Variants in FBXL16 observed in about 807,000 individuals in gnomAD.
FBXL16 encodes F-box and leucine rich repeat protein 16, also known as F-box/LRR-repeat protein 16.
FBXL16 carries 7 observed loss-of-function variants against 36.7 expected under a neutral mutation model. That is an observed-to-expected ratio of 0.19 (90% CI 0.11 to 0.36). FBXL16 has a LOEUF of 0.36. FBXL16 is among the 10% of genes least tolerant of loss of function. The pLI is 1.00. For synonymous variants in FBXL16, 355 were observed against 308.7 expected, an observed-to-expected ratio of 1.15 and a Z score of -1.57; for missense variants, 463 against 659.4, an observed-to-expected ratio of 0.70 and a Z score of 3.26.
At chr16:700,427 G>T (rs1356217554) in intron 1 of FBXL16, among the ~76,000 whole-genome samples, 1 of 152,114 alleles carries the variant, frequency 6.6e-6, no homozygotes, top group Non-Finnish European at 1.5e-5. Flanking sequence ...ACATCACAAC[G>T]TTTGCAAGGG....
At chr16:701,201 G>A (rs776727354) in intron 1 of FBXL16, among the ~76,000 whole-genome samples, 27 of 152,184 alleles carry the variant, frequency 1.8e-4, no homozygotes, top group Non-Finnish European at 2.8e-4. Context: ...GCCCACAGGA[G>A]GGAGGGGACA....
At chr16:700,753 C>T (rs1296638454) in intron 1 of FBXL16, among the ~76,000 whole-genome samples, 2 of 152,050 alleles carry the variant, frequency 1.3e-5, no homozygotes, top group South Asian at 2.1e-4. Context: ...CCTGGGCCTC[C>T]GCAGACCCCG....
At chr16:694,593 G>C (rs1596571798) in intron 5 of FBXL16, 41 bp downstream of exon 5, 1 of 1,581,158 alleles carries the variant, frequency 6.3e-7, no homozygotes, top group Non-Finnish European at 8.6e-7. Flanking sequence ...AGTGGGGGTG[G>C]GTGGTCACTG....
intron 4 of FBXL16, 65 bp downstream of exon 4, chr16:694,927 G>C (rs1211631694): frequency 2.1e-6 from 3 of 1,449,208 alleles, no homozygotes; most frequent in Admixed American, 2.4e-5. Context: ...GAGTGGGGCC[G>C]GGAGCTCTCC....
intron 1 of FBXL16, among the ~76,000 whole-genome samples, chr16:701,448 C>A (rs1415239459): frequency 6.6e-6 from 1 of 152,224 alleles, no homozygotes; most frequent in East Asian, 1.9e-4. Context: ...TATCCCCCAC[C>A]CCGTAGCTCA....
chr16:697,489 G>A lies in FBXL16; in HGVS notation c.-14-70C>T. 5 of 1,460,806 alleles carry A rather than the reference G, an allele frequency of 3.4e-6. No individual in the cohort carries two copies. Among genetic ancestry groups the A allele is most frequent in the Non-Finnish European group, 4.5e-6 (5 of 1,106,746 alleles). 90.5% of individuals were successfully genotyped at this position (1,460,806 alleles called of 1,614,324 possible). A position where few individuals can be genotyped will look rare whatever the true frequency, so the allele number is the denominator to read the frequency against. ...TGGAAGGCCGGGGTTGGGGGCGGGT[G>A]CAGTGGGGCTCCTTCCCTCCTTGGG... On this transcript the variant is annotated intron_variant, in intron 1 of 5. Coordinates refer to ENST00000397621, the MANE Select transcript of FBXL16 (RefSeq NM_153350.4). This position sits in a 1 kb window ranked among gnomAD's most constrained non-coding sequence, Gnocchi z 4.6.
At chr16:704,868 G>A (rs1457165991) in intron 1 of FBXL16, among the ~76,000 whole-genome samples, 3 of 152,226 alleles carry the variant, frequency 2.0e-5, no homozygotes, top group Non-Finnish European at 4.4e-5. Flanking sequence ...CTCTCCTGAG[G>A]TGATGGGTGG....
chr16:696,730 G>GCCCCCCCCCCCCCCC, intron 2 of FBXL16, 43 bp downstream of exon 2: 3 of 1,432,176 alleles, frequency 2.1e-6, no homozygotes, highest in South Asian at 3.1e-5. Context: ...GCTGCTGCCC[G>GCCCCCCCCCCCCCCC]CCCCTGCCCC....
Position 695,750 on chromosome 16 carries a change from G to C in FBXL16, c.807C>G (p.Asn269Lys). The change falls in exon 3 of 6, where the codon AAC (asparagine) becomes AAG (lysine). Residue 269 changes from asparagine (N) to lysine (K), a missense_variant. Around this residue, in one of 3 missense-constraint regions of FBXL16, gnomAD observed 66 missense variants for 146.3 expected, o/e 0.45. Coordinates refer to ENST00000397621, the MANE Select transcript of FBXL16 (RefSeq NM_153350.4). ...AIAAISQLLP[N>K]LAELSLQAYH... ...AGGCCTGCAGGCTCAGCTCCGCCAG[G>C]TTGGGCAGCAGCTGCGAGATGGCCG... 1 of 1,604,136 alleles carries C rather than the reference G, an allele frequency of 6.2e-7. No homozygotes were observed. The highest frequency in any genetic ancestry group is 8.5e-7 in the Non-Finnish European group (1 of 1,178,184).
intron 1 of FBXL16, among the ~76,000 whole-genome samples, chr16:701,472 C>T (rs1273857140): frequency 6.6e-6 from 1 of 152,230 alleles, no homozygotes; most frequent in Non-Finnish European, 1.5e-5. Flanking sequence ...ATGCAAACAG[C>T]CACACACTTT....
intron 3 of FBXL16, 132 bp from the exon 4 acceptor site, chr16:695,208 C>T: frequency 1.7e-6 from 2 of 1,187,234 alleles, no homozygotes; most frequent in African/African-American, 1.6e-5. Flanking sequence ...CTCCTCGCTC[C>T]CACCCACCGG....
Position 693,943 on chromosome 16 carries a change from C to A in FBXL16, c.*332G>T. 6.0e-6 allele frequency: 1 copy of A among 165,624 alleles called. No homozygotes were observed. The allele number at this position is 165,624 out of a possible 1,614,324, so 10.3% of individuals were successfully genotyped here. A position where few individuals can be genotyped will look rare whatever the true frequency, so the allele number is the denominator to read the frequency against. ...CAAGGACCGAGCCCCGCCCCCCAAG[C>A]GGGAGGGCGAGCGAGTGATGGCGGC... On this transcript the variant is annotated 3_prime_UTR_variant, in exon 6 of 6. Transcript: ENST00000397621.
chr16:695,907 A>G lies in FBXL16; in HGVS notation c.650T>C (p.Met217Thr), dbSNP rs1314328581. The change falls in exon 3 of 6, where the codon ATG becomes ACG. Residue 217 changes from methionine to threonine, a missense_variant. Met to Thr is a moderately conservative substitution (Grantham distance 81, BLOSUM62 -1). Around this residue, in one of 3 missense-constraint regions of FBXL16, gnomAD observed 263 missense variants for 341.1 expected, o/e 0.77. Coordinates refer to ENST00000397621, the MANE Select transcript of FBXL16 (RefSeq NM_153350.4). Reference sequence around the variant, plus strand: ...CAGCTCCAGACGCACCACGCCCTGCATCTGTTCAAGCATAACCTGCAGGCG... The same window carrying G: ...CAGCTCCAGACGCACCACGCCCTGCGTCTGTTCAAGCATAACCTGCAGGCG... ...DAGLEVMLEQ[M>T]QGVVRLELSG... is the part of the protein sequence containing the mutation. 1 of 1,593,184 alleles carries G rather than the reference A, an allele frequency of 6.3e-7. No individual in the cohort carries two copies. Among genetic ancestry groups the G allele is most frequent in the South Asian group, 1.1e-5 (1 of 89,774 alleles).
chr16:698,921 A>G (rs1181020650), intron 1 of FBXL16, among the ~76,000 whole-genome samples: 1 of 135,552 alleles, frequency 7.4e-6, no homozygotes, highest in Non-Finnish European at 1.6e-5. Flanking sequence ...CTCAAAAAAA[A>G]AAAAAAAAAA....
At chr16:699,464 G>A (rs1226972017) in intron 1 of FBXL16, among the ~76,000 whole-genome samples, 1 of 152,182 alleles carries the variant, frequency 6.6e-6, no homozygotes, top group Non-Finnish European at 1.5e-5. Context: ...CTTGAAATGG[G>A]CCCCACCCTG....
At chr16:700,832 C>T (rs1052624229) in intron 1 of FBXL16, among the ~76,000 whole-genome samples, 1 of 152,226 alleles carries the variant, frequency 6.6e-6, no homozygotes, top group East Asian at 1.9e-4. Context: ...CAGGGCCAGG[C>T]CCGGGCTGGC....
At chr16:701,695 G>A (rs139441256) in intron 1 of FBXL16, among the ~76,000 whole-genome samples, 2,854 of 152,092 alleles carry the variant, frequency 0.019, 93 homozygotes, top group African/African-American at 0.064. Context: ...GAGAGCCCTC[G>A]TTCCACCCAG....
rs768103665 is a variant in FBXL16, at chr16:694,258, G to A, written c.*17C>T. The stretch of plus-strand genomic sequence containing the variant: ...AGGTCATGGCCGGGTTCCCGCGACC[G>A]GGGCGGGGGCCTCGCGCTACTCAAT... On this transcript the variant is annotated 3_prime_UTR_variant, in exon 6 of 6. Coordinates refer to ENST00000397621, the MANE Select transcript of FBXL16 (RefSeq NM_153350.4). 2.2e-6 allele frequency: 3 copies of A among 1,334,972 alleles called. No homozygotes were observed. The highest frequency in any genetic ancestry group is 2.9e-6 in the Non-Finnish European group (3 of 1,038,794). 82.7% of individuals were successfully genotyped at this position (1,334,972 alleles called of 1,614,324 possible). A position where few individuals can be genotyped will look rare whatever the true frequency, so the allele number is the denominator to read the frequency against.
chr16:695,366 G>A (rs536009239), intron 3 of FBXL16, 49 bp downstream of exon 3: 6 of 1,326,754 alleles, frequency 4.5e-6, no homozygotes, highest in Admixed American at 6.9e-5. Context: ...CCCGCCCCGT[G>A]CAGCCCCGCC....
Sources: gnomAD v4.1 joint callset for allele counts (sites outside exome capture counted in the v4.1 genomes callset) on GRCh38, gnomAD v4.1.1 for gene constraint, gnomAD v4.1.1 regional missense constraint, Gnocchi (gnomAD v3.1) non-coding constraint, MANE v1.5 for transcripts, NCBI Gene and HGNC (gene_info 2026-07-23, HGNC 2026-07-21) for gene names.